The following MACROD2 variants were observed in gnomAD, a reference collection of about 807,000 sequenced individuals.
The protein encoded by MACROD2 is ADP-ribose glycohydrolase MACROD2.
In MACROD2, 36 loss-of-function variants were observed where a neutral mutation model predicts 70.4. The ratio of observed to expected loss-of-function variants is 0.51; its 90% CI spans 0.39 to 0.68. The LOEUF is 0.68. Ranked by LOEUF, MACROD2 falls within the 30% of genes least tolerant of loss-of-function variation. The pLI is 0.00. For missense variants in MACROD2, 496 were observed against 538.4 expected, an observed-to-expected ratio of 0.92 and a Z score of 0.78; for synonymous variants, 172 against 178.8, an observed-to-expected ratio of 0.96 and a Z score of 0.30.
intron 8 of MACROD2, among the ~76,000 whole-genome samples, chr20:15,720,830 C>G (rs1200207689): frequency 6.6e-6 from 1 of 152,116 alleles, no homozygotes; most frequent in East Asian, 1.9e-4. Context: ...TCTGTTTTAG[C>G]TTTTCTAAAA....
At chr20:14,356,159 G>A (rs1199335038) in intron 3 of MACROD2, among the ~76,000 whole-genome samples, 1 of 152,128 alleles carries the variant, frequency 6.6e-6, no homozygotes, top group Non-Finnish European at 1.5e-5. Flanking sequence ...CTTAATCTCT[G>A]TGTGTGTGTT....
At chr20:15,723,305 A>G (rs1600808259) in intron 8 of MACROD2, among the ~76,000 whole-genome samples, 1 of 152,168 alleles carries the variant, frequency 6.6e-6, no homozygotes, top group African/African-American at 2.4e-5. Flanking sequence ...TACCCAAAAT[A>G]CATAGCTTAC....
At chr20:15,855,394 G>T (rs2064345526) in intron 8 of MACROD2, among the ~76,000 whole-genome samples, 1 of 152,176 alleles carries the variant, frequency 6.6e-6, no homozygotes, top group African/African-American at 2.4e-5. Flanking sequence ...ACAGTTGGCT[G>T]CAGTGAAAAT....
chr20:15,580,838 G>A (rs1294816382), intron 8 of MACROD2, among the ~76,000 whole-genome samples: 1 of 152,114 alleles, frequency 6.6e-6, no homozygotes, highest in Non-Finnish European at 1.5e-5. Flanking sequence ...GATGATTTGG[G>A]GGATTAGTAA....
At chr20:15,530,372 G>T (rs192403560) in intron 8 of MACROD2, among the ~76,000 whole-genome samples, 2 of 152,278 alleles carry the variant, frequency 1.3e-5, no homozygotes, top group Admixed American at 6.5e-5. Context: ...ATAATACTAA[G>T]ATTTCAGTAG....
intron 5 of MACROD2, among the ~76,000 whole-genome samples, chr20:15,167,740 C>G (rs2076395490): frequency 6.6e-6 from 1 of 152,104 alleles, no homozygotes; most frequent in Admixed American, 6.6e-5. Context: ...TGGCTCCACC[C>G]ACCCAGGTTT....
At chr20:15,742,321 A>G (rs565717371) in intron 8 of MACROD2, among the ~76,000 whole-genome samples, 1 of 152,324 alleles carries the variant, frequency 6.6e-6, no homozygotes, top group Admixed American at 6.5e-5. Context: ...TAAGCTGTCT[A>G]CAGAAGCAAA....
At chr20:14,338,279 A>T (rs961092003) in intron 3 of MACROD2, among the ~76,000 whole-genome samples, 1 of 152,118 alleles carries the variant, frequency 6.6e-6, no homozygotes, top group Non-Finnish European at 1.5e-5. Context: ...AGGCAGGAGA[A>T]TCACTTGAAC....
chr20:15,232,066 C>T (rs1255628280), intron 6 of MACROD2, among the ~76,000 whole-genome samples: 1 of 151,894 alleles, frequency 6.6e-6, no homozygotes, highest in Non-Finnish European at 1.5e-5. Flanking sequence ...CTTTCTCCCT[C>T]CTTCCCTTCC....
intron 5 of MACROD2, among the ~76,000 whole-genome samples, chr20:14,721,486 A>G (rs1293254928): frequency 1.3e-5 from 2 of 152,136 alleles, no homozygotes; most frequent in Non-Finnish European, 2.9e-5. Context: ...AAAAGTAAAA[A>G]TTTCAGTTCT....
At chr20:14,567,657 G>C (rs1979899751) in intron 4 of MACROD2, among the ~76,000 whole-genome samples, 1 of 152,058 alleles carries the variant, frequency 6.6e-6, no homozygotes, top group Admixed American at 6.6e-5. Context: ...CTCCTTTAAA[G>C]TGTATTGTCA....
chr20:14,155,175 A>G (rs2055083743), intron 3 of MACROD2, among the ~76,000 whole-genome samples: 1 of 152,218 alleles, frequency 6.6e-6, no homozygotes, highest in African/African-American at 2.4e-5. Flanking sequence ...TATAACTCAT[A>G]TATACATGCA....
chr20:14,833,637 C>T (rs1211350348), intron 5 of MACROD2, among the ~76,000 whole-genome samples: 3 of 151,966 alleles, frequency 2.0e-5, no homozygotes, highest in Non-Finnish European at 4.4e-5. Context: ...TCTTTTAAAA[C>T]TTCAATTATT....
At chr20:15,329,717 C>T (rs941609191) in intron 6 of MACROD2, among the ~76,000 whole-genome samples, 1 of 152,068 alleles carries the variant, frequency 6.6e-6, no homozygotes, top group Non-Finnish European at 1.5e-5. Context: ...AGTCTAGCTT[C>T]TATGCTAGTG....
chr20:14,684,477 C>G (rs904291290), intron 4 of MACROD2, among the ~76,000 whole-genome samples: 2 of 152,122 alleles, frequency 1.3e-5, no homozygotes, highest in Non-Finnish European at 2.9e-5. Flanking sequence ...CTTCTCAACC[C>G]TGTGTTCAGT....
intron 5 of MACROD2, among the ~76,000 whole-genome samples, chr20:15,154,470 C>T (rs2076292859): frequency 6.6e-6 from 1 of 152,200 alleles, no homozygotes; most frequent in South Asian, 2.1e-4. Flanking sequence ...GTTAGCTATG[C>T]CACTTGTCTT....
chr20:15,329,484 T>A (rs2077968338), intron 6 of MACROD2, among the ~76,000 whole-genome samples: 1 of 152,014 alleles, frequency 6.6e-6, no homozygotes, highest in African/African-American at 2.4e-5. Flanking sequence ...ATGTCTGTAA[T>A]CCCAGCACTT....
intron 6 of MACROD2, among the ~76,000 whole-genome samples, chr20:15,418,827 G>A (rs1045471551): frequency 3.3e-5 from 5 of 152,150 alleles, no homozygotes; most frequent in Non-Finnish European, 5.9e-5. Context: ...TTTTAATCCA[G>A]GTCTCAGGGG....
chr20:14,025,853 A>G (rs568477720), intron 2 of MACROD2, among the ~76,000 whole-genome samples: 1 of 152,186 alleles, frequency 6.6e-6, no homozygotes, highest in African/African-American at 2.4e-5. Flanking sequence ...GTAGATGTCT[A>G]TTAGGTCCAC....
Sources: gnomAD v4.1 joint callset for allele counts (sites outside exome capture counted in the v4.1 genomes callset) on GRCh38, gnomAD v4.1.1 for gene constraint, MANE v1.5 for transcripts, NCBI Gene and HGNC (gene_info 2026-07-23, HGNC 2026-07-21) for gene names.